Variants in HOXC4 observed in about 807,000 individuals in gnomAD.
HOXC4 encodes homeobox C4.
In HOXC4, 15 loss-of-function variants were observed where a neutral mutation model predicts 25.5. That is an observed-to-expected ratio of 0.59 (90% CI 0.39 to 0.91). HOXC4 has a LOEUF of 0.91. HOXC4 is among the 40% of genes least tolerant of loss of function. The pLI is 0.00. For missense variants in HOXC4, 342 were observed against 352.4 expected (o/e 0.97, Z 0.24); for synonymous variants, 165 against 148.0 (o/e 1.11, Z -0.83).
intron 1 of HOXC4, among the ~76,000 whole-genome samples, chr12:54,045,845 A>G (rs1018293381): frequency 6.6e-6 from 1 of 152,214 alleles, no homozygotes; most frequent in Non-Finnish European, 1.5e-5. Flanking sequence ...CCACTAAGTT[A>G]TCTGTCCCTC....
chr12:54,034,145 C>T lies in HOXC4; in HGVS notation c.-124+16731C>T. 3.4e-6 allele frequency: 3 copies of T among 883,380 alleles called. No homozygotes were observed. The Admixed American group carries it at 5.6e-5, about 17-fold the overall frequency. 54.7% of individuals were successfully genotyped at this position (883,380 alleles called of 1,614,324 possible). On this transcript the variant is annotated intron_variant, in intron 1 of 3. Coordinates refer to the HOXC4 transcript ENST00000303406. ...CTGGGCTGGGCTGGCCCGCCTGCGG[C>T]CCGCGTGGCCTGTCTTGCGGCTCTC...
At chr12:54,042,418 G>A (rs2136457513) in intron 1 of HOXC4, among the ~76,000 whole-genome samples, 1 of 152,326 alleles carries the variant, frequency 6.6e-6, no homozygotes, top group South Asian at 2.1e-4. Context: ...GAAGAGTTAG[G>A]AAACAAAGAC....
chr12:54,044,087 G>T (rs1010204399), intron 1 of HOXC4, among the ~76,000 whole-genome samples: 3 of 152,000 alleles, frequency 2.0e-5, no homozygotes, highest in Non-Finnish European at 4.4e-5. Flanking sequence ...TGGGAGTAAA[G>T]ACAGGGTCAT....
intron 1 of HOXC4, among the ~76,000 whole-genome samples, chr12:54,026,022 A>G (rs535197851): frequency 5.3e-5 from 8 of 152,272 alleles, no homozygotes; most frequent in African/African-American, 1.7e-4. Flanking sequence ...AAGACATCCT[A>G]TCTTCCATCA....
intron 1 of HOXC4, among the ~76,000 whole-genome samples, chr12:54,031,728 G>A (rs570568166): frequency 1.5e-4 from 23 of 152,296 alleles, no homozygotes; most frequent in African/African-American, 5.5e-4. Context: ...TGAGGAGGGG[G>A]CCTTCTCCTG....
chr12:54,028,286 A>C, intron 1 of HOXC4: 1 of 337,728 alleles, frequency 3.0e-6, no homozygotes, highest in Non-Finnish European at 5.4e-6. Context: ...AAGAAATCCA[A>C]GTCTTACTTT....
chr12:54,034,036 C>G (rs752458105), intron 1 of HOXC4: 2 of 694,048 alleles, frequency 2.9e-6, no homozygotes, highest in Non-Finnish European at 5.4e-6. Context: ...CCTCTTCCCC[C>G]CAACCCCCCC....
At chr12:54,043,177 G>A (rs1348454260) in intron 1 of HOXC4, among the ~76,000 whole-genome samples, 1 of 152,230 alleles carries the variant, frequency 6.6e-6, no homozygotes, top group Non-Finnish European at 1.5e-5. Context: ...GCTGGGCCCT[G>A]AGCCGGTCCA....
chr12:54,038,176 G>A (rs2136454303), intron 1 of HOXC4, among the ~76,000 whole-genome samples: 1 of 152,282 alleles, frequency 6.6e-6, no homozygotes, highest in South Asian at 2.1e-4. Context: ...AAGCTGCTGG[G>A]AAGTAGGAAG....
chr12:54,046,852 T>A (rs1360036188), intron 1 of HOXC4, among the ~76,000 whole-genome samples: 4 of 152,182 alleles, frequency 2.6e-5, no homozygotes. Flanking sequence ...GTGGAGGGGC[T>A]GAACAGCGTG....
chr12:54,040,471 C>T (rs1941254586), intron 1 of HOXC4, among the ~76,000 whole-genome samples: 1 of 152,316 alleles, frequency 6.6e-6, no homozygotes, highest in South Asian at 2.1e-4. Context: ...ATTCTAGCCT[C>T]CTCTGTCAGT....
chr12:54,039,743 C>T (rs1941240367), intron 1 of HOXC4, among the ~76,000 whole-genome samples: 1 of 152,058 alleles, frequency 6.6e-6, no homozygotes, highest in Non-Finnish European at 1.5e-5. Flanking sequence ...CCCCACCCTC[C>T]AGCCTCCCCA....
upstream of HOXC4, among the ~76,000 whole-genome samples, chr12:54,052,718 G>A (rs1024435762): frequency 6.6e-6 from 1 of 152,182 alleles, no homozygotes; most frequent in Non-Finnish European, 1.5e-5. Context: ...CCCAAAGGCT[G>A]GCCGTGCCTC....
intron 1 of HOXC4, among the ~76,000 whole-genome samples, chr12:54,042,004 G>A (rs1284101116): frequency 7.4e-6 from 1 of 135,746 alleles, no homozygotes; most frequent in East Asian, 2.2e-4. Flanking sequence ...TTGAGATGGA[G>A]TTTCACTCTT....
chr12:54,042,078 A>G (rs1303936532), intron 1 of HOXC4, among the ~76,000 whole-genome samples: 2 of 150,156 alleles, frequency 1.3e-5, no homozygotes, highest in East Asian at 2.0e-4. Context: ...TCCTGGGTTC[A>G]AGCGATTCTC....
chr12:54,034,334 G>A (rs1160044496), intron 1 of HOXC4: 3 of 1,614,190 alleles, frequency 1.9e-6, no homozygotes, highest in Non-Finnish European at 1.7e-6. Context: ...TCTGGAACTC[G>A]AGAAAGAATT....
intron 1 of HOXC4, among the ~76,000 whole-genome samples, chr12:54,026,942 C>G (rs1013931068): frequency 2.1e-5 from 3 of 140,020 alleles, no homozygotes; most frequent in African/African-American, 8.6e-5. Context: ...GCTTTCCCCC[C>G]CCCCAACCCA....
At chr12:54,029,875 G>C (rs1236771363) in intron 1 of HOXC4, 1 of 1,612,668 alleles carries the variant, frequency 6.2e-7, no homozygotes, top group Non-Finnish European at 8.5e-7. Context: ...CCACTCTCTC[G>C]GGGGGCGGCG....
chr12:54,043,968 T>TGTGTGTGTG (rs1565750575), intron 1 of HOXC4, among the ~76,000 whole-genome samples: 3 of 60,460 alleles, frequency 5.0e-5, no homozygotes, highest in Non-Finnish European at 1.1e-4. Context: ...GTGTGTGTGT[T>TGTGTGTGTG]TAGGGAGTAG....
Sources: gnomAD v4.1 joint callset for allele counts (sites outside exome capture counted in the v4.1 genomes callset) on GRCh38, gnomAD v4.1.1 for gene constraint, MANE v1.5 for transcripts, NCBI Gene and HGNC (gene_info 2026-07-23, HGNC 2026-07-21) for gene names.